SMAD3: variants seen among roughly 807,000 people sequenced by gnomAD.
The protein encoded by SMAD3 is SMAD family member 3.
In SMAD3, 12 loss-of-function variants were observed where a neutral mutation model predicts 51.8. The ratio of observed to expected loss-of-function variants is 0.23; its 90% CI spans 0.15 to 0.38. SMAD3 has a LOEUF of 0.38. Among genes scored for constraint, SMAD3 ranks in the 10% least tolerant of loss-of-function variants. The probability of loss-of-function intolerance (pLI) is 1.00; values close to 1 mark genes in which losing one functional copy is unlikely to be tolerated. For missense variants in SMAD3, 294 were observed against 565.6 expected, an observed-to-expected ratio of 0.52 and a Z score of 4.87; for synonymous variants, 238 against 227.7, an observed-to-expected ratio of 1.05 and a Z score of -0.41.
chr15:67,177,282 A>G (rs545598789), intron 5 of SMAD3, among the ~76,000 whole-genome samples: 1 of 152,304 alleles, frequency 6.6e-6, no homozygotes, highest in South Asian at 2.1e-4. Flanking sequence ...GCCAAACTGG[A>G]TGCTTTTGCA....
At chr15:67,138,199 G>A (rs1014527785) in intron 1 of SMAD3, 14 of 931,350 alleles carry the variant, frequency 1.5e-5, no homozygotes, top group African/African-American at 4.9e-5. Flanking sequence ...GAGTTTCTCC[G>A]GGCTTCTCTT....
At chr15:67,182,529 G>A (rs1963086856) in intron 6 of SMAD3, among the ~76,000 whole-genome samples, 1 of 152,174 alleles carries the variant, frequency 6.6e-6, no homozygotes, top group African/African-American at 2.4e-5. Context: ...CTGGTCCCAC[G>A]TGAACCAGGG....
chr15:67,102,759 T>C (rs1352837431), intron 1 of SMAD3, among the ~76,000 whole-genome samples: 1 of 152,174 alleles, frequency 6.6e-6, no homozygotes, highest in Non-Finnish European at 1.5e-5. Context: ...GTAGGCATGA[T>C]ACGTGGTCCC....
At chr15:67,156,441 G>T (rs1035260522) in intron 1 of SMAD3, among the ~76,000 whole-genome samples, 2 of 152,208 alleles carry the variant, frequency 1.3e-5, no homozygotes, top group African/African-American at 4.8e-5. Flanking sequence ...TCTGGGCATA[G>T]GGGTATGCCC....
intron 1 of SMAD3, among the ~76,000 whole-genome samples, chr15:67,113,685 T>C (rs1044143678): frequency 1.2e-4 from 18 of 152,176 alleles, no homozygotes; most frequent in African/African-American, 4.3e-4. Flanking sequence ...GTCTGAAAGA[T>C]TGTTTAAAAA....
intron 1 of SMAD3, among the ~76,000 whole-genome samples, chr15:67,090,273 C>T (rs545034040): frequency 6.6e-6 from 1 of 152,038 alleles, no homozygotes; most frequent in Non-Finnish European, 1.5e-5. Context: ...GTCTCGAGTC[C>T]GATTTTGCCA....
Position 67,108,093 on chromosome 15 carries a change from C to T in SMAD3, c.206+41733C>T, listed in dbSNP as rs980489446. Among the ~76,000 whole-genome samples the T allele has an allele frequency of 2.3e-4, 35 of 152,068 alleles. 2 individuals are homozygous for T. The highest frequency in any genetic ancestry group is 1.3e-4 in the Admixed American group (2 of 15,276). On this transcript the variant is annotated intron_variant, in intron 1 of 8. Coordinates refer to ENST00000327367, the MANE Select transcript of SMAD3 (RefSeq NM_005902.4). ...GGTTCCTAGTGCTTCGGGGATAACTCGCCTTGTCCCTTGGGGTCTGCACAG... is the reference window on the plus strand; with the variant it reads ...GGTTCCTAGTGCTTCGGGGATAACTTGCCTTGTCCCTTGGGGTCTGCACAG...
chr15:67,076,140 C>T (rs1960164488), intron 1 of SMAD3, among the ~76,000 whole-genome samples: 1 of 152,158 alleles, frequency 6.6e-6, no homozygotes, highest in South Asian at 2.1e-4. Flanking sequence ...GGAAAAGGAT[C>T]TACTTCAACA....
chr15:67,074,241 T>A (rs1256543930), intron 1 of SMAD3, among the ~76,000 whole-genome samples: 4 of 152,280 alleles, frequency 2.6e-5, no homozygotes, highest in Non-Finnish European at 4.4e-5. Flanking sequence ...GTGGAGGCTG[T>A]GCCTCTTGAG....
At chr15:67,107,630 T>C (rs1960908835) in intron 1 of SMAD3, among the ~76,000 whole-genome samples, 1 of 152,238 alleles carries the variant, frequency 6.6e-6, no homozygotes, top group South Asian at 2.1e-4. Context: ...CCAGCCTAAG[T>C]CACTGCCTGT....
intron 1 of SMAD3, 40 bp from the exon 2 acceptor site, chr15:67,164,855 C>A: frequency 1.2e-6 from 2 of 1,602,914 alleles, no homozygotes; most frequent in Non-Finnish European, 1.7e-6. Flanking sequence ...CAAGCACAAT[C>A]CACATTTCCC....
At chr15:67,102,128 T>C (rs1453379291) in intron 1 of SMAD3, among the ~76,000 whole-genome samples, 2 of 152,178 alleles carry the variant, frequency 1.3e-5, no homozygotes, top group Admixed American at 1.3e-4. Context: ...TTAAATTGTG[T>C]TTTCATGGGT....
At chr15:67,083,021 G>A (rs1416845588) in intron 1 of SMAD3, among the ~76,000 whole-genome samples, 3 of 152,224 alleles carry the variant, frequency 2.0e-5, no homozygotes, top group Admixed American at 6.5e-5. Context: ...TCTTCCTGCC[G>A]TCTTGTCCTG....
At chr15:67,070,013 C>T (rs1238283586) in intron 1 of SMAD3, among the ~76,000 whole-genome samples, 1 of 151,790 alleles carries the variant, frequency 6.6e-6, no homozygotes. Flanking sequence ...CGAATCTGAT[C>T]TTTTACTGTA....
At chr15:67,101,612 A>C (rs1836435467) in intron 1 of SMAD3, among the ~76,000 whole-genome samples, 1 of 152,220 alleles carries the variant, frequency 6.6e-6, no homozygotes, top group South Asian at 2.1e-4. Flanking sequence ...TGTAATCCCT[A>C]GGAGAAGCTG....
At position 67,065,677 on chromosome 15, in the gene SMAD3, G is replaced by A. The variant is rs1437592623; in HGVS notation, c.-478G>A. On this transcript the variant is annotated 5_prime_UTR_variant, in exon 1 of 9. Transcript: ENST00000327367. Reference sequence around the variant, plus strand: ...GCCGGCCCAGCCAGCGAGCGAGCGAGCGGCGAGCCGGGAGGAGGAGGGTGG... The same window carrying A: ...GCCGGCCCAGCCAGCGAGCGAGCGAACGGCGAGCCGGGAGGAGGAGGGTGG... Among the ~76,000 whole-genome samples, 2 of 151,828 alleles carry A rather than the reference G, an allele frequency of 1.3e-5. No individual in the cohort carries two copies. The highest frequency in any genetic ancestry group is 2.1e-4 in the South Asian group (1 of 4,820).
At chr15:67,170,468 C>T (rs977243562) in intron 4 of SMAD3, 86 bp from the exon 5 acceptor site, 145 of 1,095,740 alleles carry the variant, frequency 1.3e-4, no homozygotes, top group Non-Finnish European at 1.9e-4. Context: ...GTTGGGCTAC[C>T]CCTCCTTGAT....
At chr15:67,140,187 G>A (rs773721431) in intron 1 of SMAD3, among the ~76,000 whole-genome samples, 1 of 152,102 alleles carries the variant, frequency 6.6e-6, no homozygotes, top group Non-Finnish European at 1.5e-5. Flanking sequence ...AAGTGAATGT[G>A]TTTGATCCAA....
At chr15:67,137,621 A>AT (rs758814177) in intron 1 of SMAD3, among the ~76,000 whole-genome samples, 36 of 151,802 alleles carry the variant, frequency 2.4e-4, no homozygotes, top group Non-Finnish European at 4.6e-4. Flanking sequence ...ATGAGGTTTG[A>AT]TTTTTTCAGG....
Sources: gnomAD v4.1 joint callset for allele counts (sites outside exome capture counted in the v4.1 genomes callset) on GRCh38, gnomAD v4.1.1 for gene constraint, MANE v1.5 for transcripts, NCBI Gene and HGNC (gene_info 2026-07-23, HGNC 2026-07-21) for gene names.